The following PADI2 variants were observed in gnomAD, a reference collection of about 807,000 sequenced individuals.
PADI2 encodes the protein peptidyl arginine deiminase 2, also known as protein-arginine deiminase type-2.
Under a neutral mutation model 81.1 loss-of-function variants are expected in PADI2, and 70 were observed. That is an observed-to-expected ratio of 0.86 (90% CI 0.71 to 1.05). The LOEUF is 1.05. Among genes scored for constraint, PADI2 ranks in the 50% least tolerant of loss-of-function variants. The pLI, the probability that PADI2 is intolerant of heterozygous loss-of-function variation, is 0.00. For missense variants in PADI2, 853 were observed against 889.9 expected (o/e 0.96, Z 0.53); for synonymous variants, 338 against 358.0 (o/e 0.94, Z 0.63).
At chr1:17,116,060 C>A (rs1263057865) in intron 1 of PADI2, among the ~76,000 whole-genome samples, 1 of 152,216 alleles carries the variant, frequency 6.6e-6, no homozygotes, top group Non-Finnish European at 1.5e-5. Context: ...TCACTGTGAC[C>A]CTGAGTGTAC....
chr1:17,105,478 C>G (rs1183457036), intron 1 of PADI2, among the ~76,000 whole-genome samples: 2 of 152,070 alleles, frequency 1.3e-5, no homozygotes, highest in Non-Finnish European at 2.9e-5. Context: ...TCACTGCAAC[C>G]TCTGCCTCCC....
chr1:17,075,638 G>A, intron 12 of PADI2, 41 bp downstream of exon 12: 1 of 1,570,622 alleles, frequency 6.4e-7, no homozygotes, highest in South Asian at 1.1e-5. Context: ...ATATTGGTTT[G>A]CTGCTACCCC....
chr1:17,103,206 A>G, intron 2 of PADI2, 147 bp from the exon 3 acceptor site: 2 of 641,556 alleles, frequency 3.1e-6, no homozygotes. Flanking sequence ...TCCAGGAAGA[A>G]CTCCTGGGTT....
At chr1:17,105,115 G>C in intron 1 of PADI2, 54 bp from the exon 2 acceptor site, 1 of 1,297,054 alleles carries the variant, frequency 7.7e-7, no homozygotes, top group Non-Finnish European at 1.0e-6. Flanking sequence ...GGTGGGATGA[G>C]GGGCTTCAAG....
chr1:17,100,167 G>A (rs1404748511), intron 3 of PADI2, among the ~76,000 whole-genome samples: 1 of 152,208 alleles, frequency 6.6e-6, no homozygotes, highest in African/African-American at 2.4e-5. Context: ...AGAGAGAACA[G>A]TGGTCCCCAA....
chr1:17,102,688 G>A (rs1157843823), intron 3 of PADI2, among the ~76,000 whole-genome samples: 2 of 149,660 alleles, frequency 1.3e-5, no homozygotes, highest in African/African-American at 4.9e-5. Context: ...AGAGGCAGGG[G>A]GAAACACACT....
At chr1:17,087,117 G>C (rs916489368) in intron 6 of PADI2, among the ~76,000 whole-genome samples, 1 of 152,204 alleles carries the variant, frequency 6.6e-6, no homozygotes, top group Non-Finnish European at 1.5e-5. Flanking sequence ...CTGGGACTCA[G>C]ATTCAAGTCG....
intron 1 of PADI2, among the ~76,000 whole-genome samples, chr1:17,111,160 T>C (rs1018504201): frequency 6.8e-6 from 1 of 146,558 alleles, no homozygotes; most frequent in Non-Finnish European, 1.5e-5. Flanking sequence ...TGATCTTGGC[T>C]CACTGCAATC....
intron 3 of PADI2, among the ~76,000 whole-genome samples, chr1:17,097,730 C>A (rs889318053): frequency 1.3e-5 from 2 of 150,394 alleles, no homozygotes; most frequent in Non-Finnish European, 3.0e-5. Flanking sequence ...ATAAGGACCC[C>A]AGGGGAAAGA....
chr1:17,090,581 TTGTGTGTG>T lies in PADI2; in HGVS notation c.655+1819_655+1826del, dbSNP rs3036949. Among the ~76,000 whole-genome samples, 37 of 142,788 alleles carry T rather than the reference TTGTGTGTG, an allele frequency of 2.6e-4. No individual in the cohort carries two copies. The South Asian group carries it at 2.7e-3, about 11-fold the overall frequency. The allele number at this position is 142,788 out of a possible 152,430, so 93.7% of individuals were successfully genotyped here. A position where few individuals can be genotyped will look rare whatever the true frequency, so the allele number is the denominator to read the frequency against. Reference sequence around the variant, plus strand: ...TGGTCAATTATCTGTCGTCCTTTGCTTGTGTGTGTGTGTGTGTGTGTGTGTGTGTGTGT... The same window carrying T: ...TGGTCAATTATCTGTCGTCCTTTGCTTGTGTGTGTGTGTGTGTGTGTGTGT... On this transcript the variant is annotated intron_variant, in intron 6 of 15. Transcript: ENST00000375486.
At chr1:17,104,130 A>C (rs1931254017) in intron 2 of PADI2, among the ~76,000 whole-genome samples, 1 of 151,144 alleles carries the variant, frequency 6.6e-6, no homozygotes. Context: ...AAAATACAAA[A>C]AAAAAAAAAA....
At position 17,096,265 on chromosome 1, in the gene PADI2, C is replaced by T. The variant is rs536133145; in HGVS notation, c.350-295G>A. ...TGGCTGGGGGTTGGGGAATGATCCT[C>T]GCTGCACAGATCTGGATGCCTCAGT... On this transcript the variant is annotated intron_variant, in intron 3 of 15. Coordinates refer to ENST00000375486, the MANE Select transcript of PADI2 (RefSeq NM_007365.3). 5.3e-5 allele frequency among the ~76,000 whole-genome samples: 8 copies of T among 152,292 alleles called. No homozygotes were observed. The South Asian group carries it at 8.3e-4, about 16-fold the overall frequency.
intron 1 of PADI2, among the ~76,000 whole-genome samples, chr1:17,105,543 C>G (rs1451660191): frequency 6.6e-6 from 1 of 152,080 alleles, no homozygotes. Flanking sequence ...TACAGGCATG[C>G]ACCACCACAG....
chr1:17,118,599 C>T (rs952631981), intron 1 of PADI2, among the ~76,000 whole-genome samples: 21 of 152,110 alleles, frequency 1.4e-4, no homozygotes, highest in African/African-American at 4.8e-4. Flanking sequence ...GGATCCTTTT[C>T]CAACAAAGTA....
At chr1:17,113,706 A>T (rs1931662740) in intron 1 of PADI2, among the ~76,000 whole-genome samples, 1 of 152,180 alleles carries the variant, frequency 6.6e-6, no homozygotes, top group South Asian at 2.1e-4. Context: ...GACACTAAAG[A>T]CTGGCTTCCT....
intron 1 of PADI2, among the ~76,000 whole-genome samples, chr1:17,110,970 A>G (rs1931559257): frequency 6.6e-6 from 1 of 151,696 alleles, no homozygotes; most frequent in South Asian, 2.1e-4. Context: ...TCGTTCATTC[A>G]CTCAACATGT....
intron 1 of PADI2, among the ~76,000 whole-genome samples, chr1:17,114,896 G>A (rs1291795550): frequency 2.0e-5 from 3 of 152,164 alleles, no homozygotes; most frequent in African/African-American, 4.8e-5. Flanking sequence ...CAGCGTGGCC[G>A]GAATGGAGTG....
At position 17,104,101 on chromosome 1, in the gene PADI2, T is replaced by A. The variant is rs1212341614; in HGVS notation, c.276+777A>T. Among the ~76,000 whole-genome samples, 3 of 146,704 alleles carry A rather than the reference T, an allele frequency of 2.0e-5. No individual in the cohort carries two copies. The Admixed American group carries it at 2.1e-4, about 10-fold the overall frequency. On this transcript the variant is annotated intron_variant, in intron 2 of 15. Coordinates refer to ENST00000375486, the MANE Select transcript of PADI2 (RefSeq NM_007365.3). Reference sequence around the variant, plus strand: ...ATCGACAGCATCCTGGCTAACACGGTGAAACCCCATCTCTACTAAAAATAC... The same window carrying A: ...ATCGACAGCATCCTGGCTAACACGGAGAAACCCCATCTCTACTAAAAATAC...
chr1:17,099,537 G>T (rs1203102905), intron 3 of PADI2, among the ~76,000 whole-genome samples: 1 of 152,184 alleles, frequency 6.6e-6, no homozygotes, highest in East Asian at 1.9e-4. Context: ...GAGTCCTAGT[G>T]GGGGTGGTTA....
Sources: allele counts gnomAD v4.1 joint callset (sites outside exome capture counted in the v4.1 genomes callset), GRCh38; gene constraint gnomAD v4.1.1; transcripts MANE v1.5; gene names NCBI Gene and HGNC (gene_info 2026-07-23, HGNC 2026-07-21).